Variants in SLIT2 observed in about 807,000 individuals in gnomAD.
The protein encoded by SLIT2 is slit guidance ligand 2.
SLIT2 carries 41 observed loss-of-function variants against 185.7 expected under a neutral mutation model. That is an observed-to-expected ratio of 0.22 (90% CI 0.17 to 0.29). The LOEUF (loss-of-function observed/expected upper bound fraction) is 0.29, where lower values mean the gene tolerates loss of function less well. Ranked by LOEUF, SLIT2 falls within the 10% of genes least tolerant of loss-of-function variation. The pLI is 1.00. For synonymous variants in SLIT2, 693 were observed against 680.2 expected, an observed-to-expected ratio of 1.02 and a Z score of -0.29; for missense variants, 1,571 against 1,909.0, an observed-to-expected ratio of 0.82 and a Z score of 3.30.
At chr4:20,442,640 A>G (rs994685606) in intron 4 of SLIT2, among the ~76,000 whole-genome samples, 1 of 152,098 alleles carries the variant, frequency 6.6e-6, no homozygotes, top group Non-Finnish European at 1.5e-5. Flanking sequence ...TGAAAGCAGC[A>G]TAGGAATGTC....
chr4:20,490,205 G>A (rs1386973291), intron 8 of SLIT2, among the ~76,000 whole-genome samples: 1 of 152,134 alleles, frequency 6.6e-6, no homozygotes. Context: ...ACCAACCTAA[G>A]TATTTCACAT....
chr4:20,327,177 CTT>C (rs1378030447), intron 4 of SLIT2, among the ~76,000 whole-genome samples: 1 of 151,864 alleles, frequency 6.6e-6, no homozygotes, highest in Admixed American at 6.6e-5. Context: ...TTTTTCCTGA[CTT>C]TTCTAATGAA....
intron 33 of SLIT2, among the ~76,000 whole-genome samples, chr4:20,603,690 T>C (rs933718843): frequency 6.6e-6 from 1 of 152,218 alleles, no homozygotes; most frequent in Non-Finnish European, 1.5e-5. Flanking sequence ...TTTTTCATAT[T>C]TAGGCAACCT....
At chr4:20,429,702 A>G (rs1284949170) in intron 4 of SLIT2, among the ~76,000 whole-genome samples, 26 of 152,220 alleles carry the variant, frequency 1.7e-4, no homozygotes, top group Admixed American at 1.7e-3. Flanking sequence ...CCAAATGCAG[A>G]GAAGGAACAA....
chr4:20,321,261 C>T (rs772269009), intron 4 of SLIT2, among the ~76,000 whole-genome samples: 1 of 152,212 alleles, frequency 6.6e-6, no homozygotes, highest in Non-Finnish European at 1.5e-5. Flanking sequence ...GGCTACACAT[C>T]ACTCAGTCAT....
intron 8 of SLIT2, 24 bp downstream of exon 8, chr4:20,489,006 T>G: frequency 6.4e-7 from 1 of 1,574,284 alleles, no homozygotes; most frequent in Non-Finnish European, 8.7e-7. Flanking sequence ...AAGAGTGATG[T>G]TATTGTGTTT....
chr4:20,416,222 G>T (rs1351696589), intron 4 of SLIT2, among the ~76,000 whole-genome samples: 1 of 152,190 alleles, frequency 6.6e-6, no homozygotes, highest in Admixed American at 6.5e-5. Context: ...TTTTCTCATA[G>T]TTCTGGAGGC....
chr4:20,393,600 C>T (rs1725624916), intron 4 of SLIT2: 1 of 152,094 alleles, frequency 6.6e-6, no homozygotes. Flanking sequence ...GTTCACCCGA[C>T]TCCACTGCAT....
chr4:20,270,920 T>TTC, intron 4 of SLIT2, among the ~76,000 whole-genome samples: 1 of 151,976 alleles, frequency 6.6e-6, no homozygotes, highest in Non-Finnish European at 1.5e-5. Flanking sequence ...TGAGTGCTTT[T>TTC]TCTCTCGAGA....
At chr4:20,603,147 A>G (rs897994224) in intron 33 of SLIT2, among the ~76,000 whole-genome samples, 14 of 152,328 alleles carry the variant, frequency 9.2e-5, no homozygotes, top group South Asian at 2.1e-4. Flanking sequence ...TCACAATCAT[A>G]GCAGAAGGCG....
chr4:20,388,094 A>G (rs1484643109), intron 4 of SLIT2, among the ~76,000 whole-genome samples: 1 of 152,192 alleles, frequency 6.6e-6, no homozygotes, highest in Non-Finnish European at 1.5e-5. Flanking sequence ...AAAAACTGAT[A>G]ATATGACATC....
At chr4:20,477,305 A>T (rs1029697956) in intron 5 of SLIT2, among the ~76,000 whole-genome samples, 4 of 151,944 alleles carry the variant, frequency 2.6e-5, no homozygotes, top group African/African-American at 9.7e-5. Flanking sequence ...GGGTTCAAGC[A>T]ATTATCCTGC....
chr4:20,618,409 G>A (rs1177750317), intron 36 of SLIT2, among the ~76,000 whole-genome samples: 1 of 152,140 alleles, frequency 6.6e-6, no homozygotes, highest in Non-Finnish European at 1.5e-5. Flanking sequence ...AAATAAAATG[G>A]CATACTCTCT....
At chr4:20,373,205 T>A (rs1723737055) in intron 4 of SLIT2, among the ~76,000 whole-genome samples, 1 of 152,108 alleles carries the variant, frequency 6.6e-6, no homozygotes, top group East Asian at 1.9e-4. Flanking sequence ...AAACATCACC[T>A]TATTCTGCCG....
chr4:20,567,883 C>A (rs2148914518), intron 28 of SLIT2, among the ~76,000 whole-genome samples: 1 of 152,070 alleles, frequency 6.6e-6, no homozygotes, highest in East Asian at 1.9e-4. Context: ...CAGATTAGGG[C>A]AAGACAAAGT....
At chr4:20,592,187 T>C (rs1417166464) in intron 30 of SLIT2, among the ~76,000 whole-genome samples, 1 of 152,196 alleles carries the variant, frequency 6.6e-6, no homozygotes, top group Non-Finnish European at 1.5e-5. Context: ...GCTATGCTAC[T>C]TCAACTTCAT....
At chr4:20,444,270 G>A (rs1711533368) in intron 4 of SLIT2, among the ~76,000 whole-genome samples, 1 of 152,112 alleles carries the variant, frequency 6.6e-6, no homozygotes, top group South Asian at 2.1e-4. Flanking sequence ...AATGGAAACG[G>A]ATAAAAATAG....
At chr4:20,501,458 C>G (rs556701951) in intron 9 of SLIT2, among the ~76,000 whole-genome samples, 1 of 151,836 alleles carries the variant, frequency 6.6e-6, no homozygotes, top group African/African-American at 2.4e-5. Context: ...GCTTTTTTGT[C>G]TTTTGGGTAG....
At chr4:20,472,282 A>AGATC (rs1560452737) in intron 5 of SLIT2, among the ~76,000 whole-genome samples, 24 of 28,570 alleles carry the variant, frequency 8.4e-4, no homozygotes, top group Middle Eastern at 0.062. Context: ...ATATCTATAT[A>AGATC]TATAGATATA....
Sources: allele counts gnomAD v4.1 joint callset (sites outside exome capture counted in the v4.1 genomes callset), GRCh38; gene constraint gnomAD v4.1.1; transcripts MANE v1.5; gene names NCBI Gene and HGNC (gene_info 2026-07-23, HGNC 2026-07-21).